The following SOS1 variants were observed in gnomAD, a reference collection of about 807,000 sequenced individuals.
The protein encoded by SOS1 is son of sevenless homolog 1.
Under a neutral mutation model 157.6 loss-of-function variants are expected in SOS1, and 25 were observed. That is an observed-to-expected ratio of 0.16 (90% CI 0.12 to 0.22). SOS1 has a LOEUF of 0.22. Ranked by LOEUF, SOS1 falls within the 10% of genes least tolerant of loss-of-function variation. The pLI is 1.00. For synonymous variants in SOS1, 528 were observed against 534.0 expected (o/e 0.99, Z 0.16); for missense variants, 1,237 against 1,599.1 (o/e 0.77, Z 3.86).
intron 1 of SOS1, among the ~76,000 whole-genome samples, chr2:39,069,744 C>T (rs1279345137): frequency 2.0e-5 from 3 of 152,144 alleles, no homozygotes; most frequent in Non-Finnish European, 2.9e-5. Flanking sequence ...GACGGGGTTT[C>T]ACCACGTTGG....
rs578168499 is a variant in SOS1 at position 38,998,710 on chromosome 2, G to A, written c.2792-1285C>T. Among the ~76,000 whole-genome samples the A allele has an allele frequency of 1.6e-3, 251 of 152,288 alleles. 5 individuals are homozygous for A. In the South Asian group the frequency reaches 0.048, roughly 29 times the overall value. ...GACGAACGTTAAGTATTAATTAGCC[G>A]TGGTTGTGATTGTTGATGCTGTTGT... On this transcript the variant is annotated intron_variant, in intron 17 of 22. Transcript: ENST00000402219.
At chr2:39,062,389 G>A (rs1472556827) in intron 2 of SOS1, among the ~76,000 whole-genome samples, 16 of 144,174 alleles carry the variant, frequency 1.1e-4, no homozygotes, top group African/African-American at 3.8e-4. Flanking sequence ...CTGCACTCCA[G>A]CCTGGGTGAC....
At position 39,120,644 on chromosome 2, in the gene SOS1, C is replaced by A. The variant is rs1673844003; in HGVS notation, c.-222G>T. The A allele has an allele frequency of 7.4e-5, 21 of 282,968 alleles. No homozygotes were observed. The South Asian group carries it at 2.4e-3, about 32-fold the overall frequency. The allele number at this position is 282,968 out of a possible 1,614,324, so 17.5% of individuals were successfully genotyped here. On this transcript the variant is annotated 5_prime_UTR_variant, in exon 1 of 23. Coordinates refer to ENST00000402219, the MANE Select transcript of SOS1 (RefSeq NM_005633.4). ...ACAGGTACCAGCCGTGGAGAACGGA[C>A]GCGGCCCGGAGGCGGCGGCATCCCG...
chr2:39,085,287 A>C (rs1274845472), intron 1 of SOS1, among the ~76,000 whole-genome samples: 4 of 152,164 alleles, frequency 2.6e-5, no homozygotes, highest in Non-Finnish European at 5.9e-5. Context: ...GGCTCAAGCG[A>C]TCCTCCTGCC....
At chr2:39,092,147 G>A (rs770151365) in intron 1 of SOS1, among the ~76,000 whole-genome samples, 8 of 152,062 alleles carry the variant, frequency 5.3e-5, no homozygotes, top group Admixed American at 3.3e-4. Flanking sequence ...GTCTCCAAAC[G>A]TAATTTTTCT....
chr2:39,112,949 T>A (rs1226488185), intron 1 of SOS1, among the ~76,000 whole-genome samples: 1 of 151,504 alleles, frequency 6.6e-6, no homozygotes, highest in Non-Finnish European at 1.5e-5. Flanking sequence ...TGAGGCAGAG[T>A]TGCTGGAACC....
At chr2:39,075,212 T>A (rs905761277) in intron 1 of SOS1, among the ~76,000 whole-genome samples, 2 of 151,142 alleles carry the variant, frequency 1.3e-5, no homozygotes, top group African/African-American at 4.9e-5. Context: ...CAGTGGGAGG[T>A]GGGAAAGAAG....
chr2:39,062,493 A>G (rs964828273), intron 2 of SOS1, among the ~76,000 whole-genome samples: 12 of 148,818 alleles, frequency 8.1e-5, no homozygotes, highest in African/African-American at 3.0e-4. Context: ...TAGGATTCCA[A>G]GGGAAAAAAA....
chr2:39,018,908 C>G (rs1056882199), intron 10 of SOS1, among the ~76,000 whole-genome samples: 3 of 151,748 alleles, frequency 2.0e-5, no homozygotes, highest in African/African-American at 7.2e-5. Flanking sequence ...TGCTGACGCA[C>G]AAACACTTTT....
chr2:39,013,976 C>G lies in SOS1; in HGVS notation c.1954G>C (p.Glu652Gln), dbSNP rs1408868952. ...SLIIERFEIP[E>Q]PEPTEADRIA... is the part of the protein sequence containing the mutation. ...CGATCAGCTTCTGTTGGCTCAGGCTCTGGAATTTCAAACCTAACATAAAAT... is the reference window on the plus strand; with the variant it reads ...CGATCAGCTTCTGTTGGCTCAGGCTGTGGAATTTCAAACCTAACATAAAAT... The change falls in exon 12 of 23, where the codon GAG (glutamate) becomes CAG (glutamine). Residue 652 changes from glutamate (E) to glutamine (Q), a missense_variant. Around this residue, in one of 15 missense-constraint regions of SOS1, gnomAD observed 55 missense variants for 43.1 expected, o/e 1.27. Coordinates refer to ENST00000402219, the MANE Select transcript of SOS1 (RefSeq NM_005633.4). 6.2e-7 allele frequency: 1 copy of G among 1,604,402 alleles called. No homozygotes were observed. The highest frequency in any genetic ancestry group is 8.5e-7 in the Non-Finnish European group (1 of 1,172,306).
At chr2:39,089,974 A>C (rs1461246555) in intron 1 of SOS1, among the ~76,000 whole-genome samples, 2 of 9,408 alleles carry the variant, frequency 2.1e-4, no homozygotes, top group African/African-American at 2.5e-4. Context: ...TAAAAATACA[A>C]AAAAAAAAAA....
At chr2:39,041,974 T>C (rs144357104) in intron 6 of SOS1, among the ~76,000 whole-genome samples, 15 of 152,322 alleles carry the variant, frequency 9.8e-5, no homozygotes, top group African/African-American at 3.6e-4. Flanking sequence ...TATTAATGAG[T>C]TCACTCTTTC....
intron 8 of SOS1, among the ~76,000 whole-genome samples, chr2:39,031,888 TA>T (rs1169411336): frequency 6.6e-6 from 1 of 152,192 alleles, no homozygotes; most frequent in Non-Finnish European, 1.5e-5. Flanking sequence ...TTTTACTTCA[TA>T]AAAAAATTAA....
At chr2:39,091,590 G>GAA (rs11413394) in intron 1 of SOS1, among the ~76,000 whole-genome samples, 177 of 137,970 alleles carry the variant, frequency 1.3e-3, no homozygotes, top group African/African-American at 4.4e-3. Context: ...AAAAGAACTC[G>GAA]AAAAAAAAAA....
intron 10 of SOS1, among the ~76,000 whole-genome samples, chr2:39,021,539 A>T (rs1461734476): frequency 5.0e-5 from 7 of 139,660 alleles, no homozygotes; most frequent in African/African-American, 2.3e-4. Flanking sequence ...AAAAAAAAAA[A>T]AAAAAAAATT....
chr2:38,982,282 T>C lies in SOS1; in HGVS notation c.*3542A>G, dbSNP rs976545427. ...ACAAGTTACAAGTGCTTTTGTTGTT[T>C]AGATTTATAATATAGACTTCATGCT... On this transcript the variant is annotated 3_prime_UTR_variant, in exon 23 of 23. Transcript: ENST00000402219. 6.6e-6 allele frequency: 1 copy of C among 152,196 alleles called. No individual in the cohort carries two copies. The highest frequency in any genetic ancestry group is 2.4e-5 in the African/African-American group (1 of 41,456). 9.4% of individuals were successfully genotyped at this position (152,196 alleles called of 1,614,324 possible). A position where few individuals can be genotyped will look rare whatever the true frequency, so the allele number is the denominator to read the frequency against.
At chr2:39,067,542 G>A in intron 2 of SOS1, 86 bp downstream of exon 2, 6 of 1,204,544 alleles carry the variant, frequency 5.0e-6, no homozygotes, top group Non-Finnish European at 7.4e-6. Context: ...TATATATAGA[G>A]AGAGCAAATT....
intron 10 of SOS1, 35 bp from the exon 11 acceptor site, chr2:39,014,881 C>G (rs1669582107): frequency 9.3e-7 from 1 of 1,074,602 alleles, no homozygotes; most frequent in Non-Finnish European, 1.4e-6. Flanking sequence ...TTATTAAACT[C>G]TATGATTCAA....
At chr2:39,067,553 C>A (rs1274153012) in intron 2 of SOS1, 75 bp downstream of exon 2, 4 of 1,354,588 alleles carry the variant, frequency 3.0e-6, no homozygotes, top group East Asian at 2.3e-5. Context: ...AGAGCAAATT[C>A]TTTCCCTGTT....
Sources: gnomAD v4.1 joint callset for allele counts (sites outside exome capture counted in the v4.1 genomes callset) on GRCh38, gnomAD v4.1.1 for gene constraint, gnomAD v4.1.1 regional missense constraint, MANE v1.5 for transcripts, NCBI Gene and HGNC (gene_info 2026-07-23, HGNC 2026-07-21) for gene names.